Variants in CTR9 observed in about 807,000 individuals in gnomAD.
The protein encoded by CTR9 is RNA polymerase-associated protein CTR9 homolog.
CTR9 carries 41 observed loss-of-function variants against 152.1 expected under a neutral mutation model. The ratio of observed to expected loss-of-function variants is 0.27; its 90% CI spans 0.21 to 0.35. The LOEUF (loss-of-function observed/expected upper bound fraction) is 0.35, where lower values mean the gene tolerates loss of function less well. Ranked by LOEUF, CTR9 falls within the 10% of genes least tolerant of loss-of-function variation. The pLI is 1.00. For synonymous variants in CTR9, 476 were observed against 496.2 expected (o/e 0.96, Z 0.54); for missense variants, 917 against 1,424.4 (o/e 0.64, Z 5.73).
chr11:10,771,928 G>A (rs1392388357), intron 19 of CTR9, among the ~76,000 whole-genome samples: 4 of 152,112 alleles, frequency 2.6e-5, no homozygotes, highest in Admixed American at 2.6e-4. Context: ...AATCTTTTTA[G>A]CTGTGCTTTG....
chr11:10,755,312 A>G (rs1862867707), intron 3 of CTR9, 115 bp downstream of exon 3: 2 of 1,212,578 alleles, frequency 1.6e-6, no homozygotes, highest in Non-Finnish European at 2.3e-6. Context: ...CATGGTTGAT[A>G]GAGTCAAAAA....
At chr11:10,759,649 G>A (rs12418188) in intron 5 of CTR9, among the ~76,000 whole-genome samples, 2,388 of 152,274 alleles carry the variant, frequency 0.016, 41 homozygotes, top group Middle Eastern at 0.027. Context: ...GAAAAAATAG[G>A]GGAGGGTTGC....
At chr11:10,757,740 A>G (rs190647135) in intron 5 of CTR9, among the ~76,000 whole-genome samples, 1 of 152,328 alleles carries the variant, frequency 6.6e-6, no homozygotes, top group African/African-American at 2.4e-5. Flanking sequence ...CAAAGAGACA[A>G]AAGTTCCTGC....
intron 19 of CTR9, 132 bp from the exon 20 acceptor site, chr11:10,772,388 T>A (rs1450148488): frequency 2.4e-5 from 19 of 779,500 alleles, no homozygotes; most frequent in African/African-American, 5.4e-5. Context: ...AACATTTTTT[T>A]AAAAAAAGAC....
chr11:10,778,163 G>A (rs1590030189), intron 24 of CTR9, among the ~76,000 whole-genome samples: 2 of 152,286 alleles, frequency 1.3e-5, no homozygotes, highest in South Asian at 2.1e-4. Flanking sequence ...CAAATCTTAG[G>A]ACAGGAATAA....
Position 10,770,511 on chromosome 11 carries a change from A to G in CTR9, c.2251A>G (p.Thr751Ala), listed in dbSNP as rs142904680. The change falls in exon 18 of 25, where the codon ACA (threonine) becomes GCA (alanine). Residue 751 changes from threonine (T) to alanine (A), a missense_variant. Thr to Ala is a moderately conservative substitution (Grantham distance 58). This residue lies in a region of CTR9 where 106 missense variants were observed against 157.8 expected (regional missense o/e 0.67). Coordinates refer to ENST00000361367, the MANE Select transcript of CTR9 (RefSeq NM_014633.5). ...LKARHVAPSDTVLMFNVALVL... is the reference protein window; with the variant it reads ...LKARHVAPSDAVLMFNVALVL... Reference sequence around the variant, plus strand: ...GGCTAGACATGTGGCACCCAGTGATACAGTTCTTATGTTTAATGTGGCCTT... The same window carrying G: ...GGCTAGACATGTGGCACCCAGTGATGCAGTTCTTATGTTTAATGTGGCCTT... 3.1e-6 allele frequency: 5 copies of G among 1,613,360 alleles called. No homozygotes were observed.
Position 10,767,765 on chromosome 11 carries a change from C to A in CTR9, c.1687-41C>A. ...GGGAAGATGATTGATCTCTGTCAAA[C>A]TAAACTGCAGATTTTCCTTCTTCAT... On this transcript the variant is annotated intron_variant, in intron 13 of 24. Transcript: ENST00000361367. This position sits in a 1 kb window ranked among gnomAD's most constrained non-coding sequence, Gnocchi z 4.0. 6.3e-7 allele frequency: 1 copy of A among 1,579,756 alleles called. No individual in the cohort carries two copies. Among genetic ancestry groups the A allele is most frequent in the Non-Finnish European group, 8.7e-7 (1 of 1,150,606 alleles).
chr11:10,778,783 G>T lies in CTR9; in HGVS notation c.3200G>T (p.Gly1067Val). 1 of 1,614,192 alleles carries T rather than the reference G, an allele frequency of 6.2e-7. No individual in the cohort carries two copies. The highest frequency in any genetic ancestry group is 8.5e-7 in the Non-Finnish European group (1 of 1,180,036). Residue 1067 changes from glycine to valine, a missense_variant, in exon 25 of 25, where the codon GGC becomes GTC. By Grantham distance (109) the Gly-to-Val change is moderately radical. This residue lies in a region of CTR9 where 384 missense variants were observed against 398.4 expected (regional missense o/e 0.96). Transcript: ENST00000361367. ...SDSDENQNKS[G>V]SEAGSPRRPR... ...TCCGATGAGAACCAGAACAAGTCTG[G>T]CAGCGAGGCCGGCAGTCCCCGGAGG...
At chr11:10,770,700 TCCC>T (rs1863129985) in intron 18 of CTR9, 68 bp downstream of exon 18, 3 of 1,412,258 alleles carry the variant, frequency 2.1e-6, no homozygotes, top group Non-Finnish European at 2.8e-6. Context: ...TCTTGAACTC[TCCC>T]GATTTTGTCT....
At chr11:10,776,946 CTG>C (rs1863247534) in intron 24 of CTR9, among the ~76,000 whole-genome samples, 1 of 112,034 alleles carries the variant, frequency 8.9e-6, no homozygotes, top group Non-Finnish European at 1.7e-5. Context: ...GCACTCCAGT[CTG>C]GGCAACAGAA....
At chr11:10,758,448 A>T (rs1289297718) in intron 5 of CTR9, among the ~76,000 whole-genome samples, 1 of 152,190 alleles carries the variant, frequency 6.6e-6, no homozygotes, top group East Asian at 1.9e-4. Context: ...CTGATGGAGT[A>T]CCTATGATGT....
chr11:10,755,016 G>A lies in CTR9; in HGVS notation c.203G>A (p.Arg68His), dbSNP rs141469100. The A allele has an allele frequency of 1.9e-6, 3 of 1,613,956 alleles. No homozygotes were observed. The highest frequency in any genetic ancestry group is 1.3e-5 in the African/African-American group (1 of 74,936). Residue 68 changes from arginine to histidine, a missense_variant, in exon 3 of 25, where the codon CGT (arginine) becomes CAT (histidine). Arg to His is a conservative substitution (Grantham distance 29). This residue lies in a region of CTR9 where 67 missense variants were observed against 106.9 expected (regional missense o/e 0.63). Coordinates refer to ENST00000361367, the MANE Select transcript of CTR9 (RefSeq NM_014633.5). ...TTTGTAAAATTGTTGGAAGCAGCACGTATAGATGGCAATTTGGACTATAGA... is the reference window on the plus strand; with the variant it reads ...TTTGTAAAATTGTTGGAAGCAGCACATATAGATGGCAATTTGGACTATAGA... ...EEFVKLLEAA[R>H]IDGNLDYRDH... is the part of the protein sequence containing the mutation.
intron 1 of CTR9, among the ~76,000 whole-genome samples, chr11:10,751,664 C>T (rs1434421415): frequency 1.3e-5 from 2 of 152,168 alleles, no homozygotes; most frequent in Non-Finnish European, 2.9e-5. Flanking sequence ...CTCAGGGCCA[C>T]TCGGAGAAGG....
rs1035882586 is a variant in CTR9, at chr11:10,767,667, AAAG to A, written c.1687-136_1687-134del. The A allele has an allele frequency of 1.5e-4, 114 of 761,052 alleles. No individual in the cohort carries two copies. The highest frequency in any genetic ancestry group is 4.0e-4 in the Middle Eastern group (1 of 2,498). 47.1% of individuals were successfully genotyped at this position (761,052 alleles called of 1,614,324 possible). On this transcript the variant is annotated intron_variant, in intron 13 of 24. Transcript: ENST00000361367. The surrounding 1 kb of genome is among the most constrained non-coding windows in gnomAD (Gnocchi z 4.0). Reference sequence around the variant, plus strand: ...AATTTGGATTGCCATGCAAAAAAAAAAAGAAAGAAAGAAAAGAAAGAAAACCAC... The same window carrying A: ...AATTTGGATTGCCATGCAAAAAAAAAAAAGAAAGAAAAGAAAGAAAACCAC...
At chr11:10,771,674 T>C in intron 19 of CTR9, 58 bp downstream of exon 19, 1 of 1,271,708 alleles carries the variant, frequency 7.9e-7, no homozygotes, top group Non-Finnish European at 1.2e-6. Context: ...TTACATGGGC[T>C]GGGAAAGTGC....
At chr11:10,756,121 A>C (rs1157015331) in intron 4 of CTR9, among the ~76,000 whole-genome samples, 2 of 152,232 alleles carry the variant, frequency 1.3e-5, no homozygotes, top group Non-Finnish European at 2.9e-5. Flanking sequence ...GAGCTGGGGC[A>C]ACATAGCAAG....
In CTR9 at chr11:10,762,075, A is replaced by C. The variant is rs372407563; in HGVS notation, c.849+21A>C. 17 of 1,448,728 alleles carry C rather than the reference A, an allele frequency of 1.2e-5. No individual in the cohort carries two copies. In the East Asian group the frequency reaches 2.8e-4, roughly 24 times the overall value. 89.7% of individuals were successfully genotyped at this position (1,448,728 alleles called of 1,614,324 possible). ...AAAAGGTAGAAGTCATTTATTTTTAAATTCTGATTTTTGTTTTTCTGTACT... is the reference window on the plus strand; with the variant it reads ...AAAAGGTAGAAGTCATTTATTTTTACATTCTGATTTTTGTTTTTCTGTACT... On this transcript the variant is annotated intron_variant, in intron 7 of 24. Coordinates refer to ENST00000361367, the MANE Select transcript of CTR9 (RefSeq NM_014633.5).
At chr11:10,757,938 A>C (rs1862912503) in intron 5 of CTR9, among the ~76,000 whole-genome samples, 1 of 152,226 alleles carries the variant, frequency 6.6e-6, no homozygotes, top group Non-Finnish European at 1.5e-5. Flanking sequence ...CCTAAAAAAC[A>C]ACTAGCAGCC....
At chr11:10,758,840 C>A (rs559887431) in intron 5 of CTR9, among the ~76,000 whole-genome samples, 2 of 152,120 alleles carry the variant, frequency 1.3e-5, no homozygotes, top group East Asian at 3.9e-4. Context: ...ACATAGGCAC[C>A]TGGTGTTATA....
Sources: gnomAD v4.1 joint callset for allele counts (sites outside exome capture counted in the v4.1 genomes callset) on GRCh38, gnomAD v4.1.1 for gene constraint, gnomAD v4.1.1 regional missense constraint, Gnocchi (gnomAD v3.1) non-coding constraint, MANE v1.5 for transcripts, NCBI Gene and HGNC (gene_info 2026-07-23, HGNC 2026-07-21) for gene names.